The following STAC variants were observed in gnomAD, a reference collection of about 807,000 sequenced individuals.
STAC encodes SH3 and cysteine rich domain.
STAC carries 43 observed loss-of-function variants against 48.8 expected under a neutral mutation model. That is an observed-to-expected ratio of 0.88 (90% CI 0.69 to 1.14). The LOEUF (loss-of-function observed/expected upper bound fraction) is 1.14, where lower values mean the gene tolerates loss of function less well. Among genes scored for constraint, STAC ranks in the 50% most tolerant of loss-of-function variants. The pLI, the probability that STAC is intolerant of heterozygous loss-of-function variation, is 0.00. For synonymous variants in STAC, 193 were observed against 179.5 expected (o/e 1.07, Z -0.60); for missense variants, 497 against 504.0 (o/e 0.99, Z 0.13).
At chr3:36,461,547 G>T (rs763851309) in intron 2 of STAC, among the ~76,000 whole-genome samples, 12 of 152,090 alleles carry the variant, frequency 7.9e-5, no homozygotes, top group Non-Finnish European at 1.6e-4. Flanking sequence ...ATGATAGGTA[G>T]ATAGATAATT....
chr3:36,395,864 A>G (rs894618177), intron 1 of STAC, among the ~76,000 whole-genome samples: 1 of 152,168 alleles, frequency 6.6e-6, no homozygotes, highest in Non-Finnish European at 1.5e-5. Context: ...GATAGCAGCA[A>G]GGGCCAGAAT....
chr3:36,488,811 C>G (rs1008451774), intron 5 of STAC, among the ~76,000 whole-genome samples: 1 of 152,148 alleles, frequency 6.6e-6, no homozygotes, highest in Non-Finnish European at 1.5e-5. Flanking sequence ...CTACCCTTGA[C>G]AGTACCCCCT....
chr3:36,455,234 G>C (rs572294293), intron 2 of STAC, among the ~76,000 whole-genome samples: 6 of 152,132 alleles, frequency 3.9e-5, no homozygotes, highest in African/African-American at 1.4e-4. Flanking sequence ...TTTTATCCCT[G>C]TTCCATCCAG....
In STAC at chr3:36,456,067, G is replaced by GCACACA. The variant is rs10633221; in HGVS notation, c.388+12439_388+12444dup. On this transcript the variant is annotated intron_variant, in intron 2 of 10. Coordinates refer to ENST00000273183, the MANE Select transcript of STAC (RefSeq NM_003149.3). ...ATGTGCATCACATACACACACGTGC[G>GCACACA]CACACACACACACACACTCCTGCCT... Among the ~76,000 whole-genome samples, 47 of 150,270 alleles carry GCACACA rather than the reference G, an allele frequency of 3.1e-4. No homozygotes were observed. In the East Asian group the frequency reaches 8.1e-3, roughly 26 times the overall value.
chr3:36,465,613 A>G (rs1697146776), intron 2 of STAC, among the ~76,000 whole-genome samples: 1 of 151,896 alleles, frequency 6.6e-6, no homozygotes, highest in African/African-American at 2.4e-5. Flanking sequence ...GAGGGACAGA[A>G]CTAACAGTAC....
intron 8 of STAC, among the ~76,000 whole-genome samples, chr3:36,525,830 A>G (rs1355570040): frequency 6.6e-6 from 1 of 152,208 alleles, no homozygotes; most frequent in Admixed American, 6.5e-5. Context: ...GTTGTGCTTA[A>G]TGCTGCAGAT....
Position 36,443,474 on chromosome 3 carries a change from C to T in STAC, c.222C>T (p.His74=). 1 of 1,614,244 alleles carries T rather than the reference C, an allele frequency of 6.2e-7. No individual in the cohort carries two copies. The highest frequency in any genetic ancestry group is 8.5e-7 in the Non-Finnish European group (1 of 1,180,046). ...TNSEDMKLQA[H]MVAEISPSSS... is the part of the protein sequence containing the mutation. The stretch of plus-strand genomic sequence containing the variant: ...GCGAAGACATGAAACTGCAAGCACA[C>T]ATGGTGGCTGAGATCAGCCCCAGCT... Residue 74 remains histidine (H), a synonymous_variant, in exon 2 of 11, where the codon CAC becomes CAT. Coordinates refer to ENST00000273183, the MANE Select transcript of STAC (RefSeq NM_003149.3). The surrounding 1 kb of genome is among the most constrained non-coding windows in gnomAD (Gnocchi z 4.2).
intron 2 of STAC, among the ~76,000 whole-genome samples, chr3:36,452,541 T>G (rs1452444121): frequency 6.6e-6 from 1 of 152,198 alleles, no homozygotes; most frequent in Non-Finnish European, 1.5e-5. Flanking sequence ...TTGGCCAATA[T>G]GAATTTGTTA....
intron 1 of STAC, among the ~76,000 whole-genome samples, chr3:36,412,538 A>C (rs1281967549): frequency 9.9e-5 from 15 of 152,226 alleles, no homozygotes; most frequent in Non-Finnish European, 4.4e-5. Flanking sequence ...AAAAAGACTG[A>C]GAACTGCTTT....
chr3:36,449,376 A>G (rs1042446566), intron 2 of STAC, among the ~76,000 whole-genome samples: 1 of 152,126 alleles, frequency 6.6e-6, no homozygotes, highest in African/African-American at 2.4e-5. Context: ...ATTGAACACA[A>G]TTTGGCGTGT....
intron 6 of STAC, among the ~76,000 whole-genome samples, chr3:36,499,243 G>A (rs543200603): frequency 1.3e-3 from 192 of 152,190 alleles, no homozygotes; most frequent in African/African-American, 4.5e-3. Flanking sequence ...GTAAACATGT[G>A]GTTAAATCTA....
At chr3:36,395,827 C>T (rs566198047) in intron 1 of STAC, among the ~76,000 whole-genome samples, 6 of 152,104 alleles carry the variant, frequency 3.9e-5, no homozygotes, top group Admixed American at 2.6e-4. Flanking sequence ...CAGTAATCTA[C>T]ATTTAAATCT....
chr3:36,489,318 C>T (rs943176122), intron 5 of STAC, among the ~76,000 whole-genome samples: 5 of 152,126 alleles, frequency 3.3e-5, no homozygotes, highest in Non-Finnish European at 1.5e-5. Flanking sequence ...TAACAAGGGA[C>T]TTTTGAAGAC....
intron 5 of STAC, among the ~76,000 whole-genome samples, chr3:36,490,312 C>CA (rs560229405): frequency 9.8e-4 from 149 of 152,254 alleles, no homozygotes; most frequent in African/African-American, 3.1e-3. Flanking sequence ...GTTGCTTCCC[C>CA]AAAGCCACAC....
chr3:36,430,035 G>A (rs1297296920), intron 1 of STAC, among the ~76,000 whole-genome samples: 1 of 152,176 alleles, frequency 6.6e-6, no homozygotes, highest in Non-Finnish European at 1.5e-5. Flanking sequence ...GACTCAAAGA[G>A]TCTTCTAGGC....
At chr3:36,457,671 A>T (rs571893279) in intron 2 of STAC, among the ~76,000 whole-genome samples, 105 of 152,350 alleles carry the variant, frequency 6.9e-4, no homozygotes, top group Non-Finnish European at 1.9e-4. Context: ...ACAGCATAGC[A>T]GATATTATTA....
At chr3:36,456,877 C>T (rs187394658) in intron 2 of STAC, among the ~76,000 whole-genome samples, 2 of 152,294 alleles carry the variant, frequency 1.3e-5, no homozygotes, top group East Asian at 1.9e-4. Context: ...ACATTTCATA[C>T]AAACTCTTTC....
At chr3:36,395,028 T>TATATAG (rs768035606) in intron 1 of STAC, among the ~76,000 whole-genome samples, 1 of 31,462 alleles carries the variant, frequency 3.2e-5, no homozygotes, top group East Asian at 5.4e-4. Context: ...GATATATAGA[T>TATATAG]ATATATATAT....
intron 1 of STAC, among the ~76,000 whole-genome samples, chr3:36,414,430 T>C (rs1042244090): frequency 3.3e-5 from 5 of 152,204 alleles, no homozygotes; most frequent in African/African-American, 1.2e-4. Flanking sequence ...TCATTTGATC[T>C]TCCATCACTG....
Sources: allele counts gnomAD v4.1 joint callset (sites outside exome capture counted in the v4.1 genomes callset), GRCh38; gene constraint gnomAD v4.1.1; non-coding constraint Gnocchi (gnomAD v3.1); transcripts MANE v1.5; gene names NCBI Gene and HGNC (gene_info 2026-07-23, HGNC 2026-07-21).